HERC6: variants seen among roughly 807,000 people sequenced by gnomAD.
HERC6 encodes the protein probable E3 ubiquitin-protein ligase HERC6.
In HERC6, 101 loss-of-function variants were observed where a neutral mutation model predicts 114.5. The observed-to-expected ratio is 0.88, with a 90% confidence interval of 0.75 to 1.04. HERC6 has a LOEUF of 1.04. Among genes scored for constraint, HERC6 ranks in the 50% least tolerant of loss-of-function variants. The probability of loss-of-function intolerance (pLI) is 0.00; values close to 1 mark genes in which losing one functional copy is unlikely to be tolerated. For missense variants in HERC6, 1,133 were observed against 1,230.9 expected, an observed-to-expected ratio of 0.92 and a Z score of 1.19; for synonymous variants, 408 against 436.2, an observed-to-expected ratio of 0.94 and a Z score of 0.81.
intron 13 of HERC6, among the ~76,000 whole-genome samples, chr4:88,421,033 C>T (rs1175441183): frequency 6.6e-6 from 1 of 152,196 alleles, no homozygotes; most frequent in Non-Finnish European, 1.5e-5. Flanking sequence ...TAAATGGAAT[C>T]ACACATTATG....
chr4:88,395,129 C>A (rs1195894427), intron 5 of HERC6, among the ~76,000 whole-genome samples: 1 of 151,940 alleles, frequency 6.6e-6, no homozygotes, highest in Non-Finnish European at 1.5e-5. Flanking sequence ...ACTATATGCC[C>A]CCAATTATTT....
chr4:88,436,627 C>A (rs1223918902), intron 18 of HERC6, among the ~76,000 whole-genome samples: 1 of 152,126 alleles, frequency 6.6e-6, no homozygotes. Flanking sequence ...CCCTAGGGGA[C>A]AAAGTCATCC....
Position 88,379,059 on chromosome 4 carries a change from G to C in HERC6, c.138G>C (p.Ser46=), listed in dbSNP as rs752650089. 2 of 1,555,982 alleles carry C rather than the reference G, an allele frequency of 1.3e-6. No homozygotes were observed. The highest frequency in any genetic ancestry group is 2.7e-5 in the African/African-American group (2 of 73,316). The change falls in exon 1 of 23, where the codon TCG becomes TCC. Residue 46 remains serine (S), a synonymous_variant. Coordinates refer to ENST00000264346, the MANE Select transcript of HERC6 (RefSeq NM_017912.4). The part of the protein sequence containing the change: ...LLLLTNHRVL[S]CGDNSRGQLG... ...TGCTGACCAACCACAGGGTCCTCTC[G>C]TGCGGAGACAACAGCAGGGGTCAGC...
chr4:88,419,994 C>T (rs1459895437), intron 13 of HERC6, among the ~76,000 whole-genome samples: 1 of 151,898 alleles, frequency 6.6e-6, no homozygotes, highest in Non-Finnish European at 1.5e-5. Flanking sequence ...GTCATCAATC[C>T]TCTGTCTTCT....
chr4:88,397,817 A>T (rs979667208), intron 7 of HERC6, among the ~76,000 whole-genome samples: 10 of 152,250 alleles, frequency 6.6e-5, no homozygotes, highest in Non-Finnish European at 1.5e-4. Context: ...TAAGAAAGTA[A>T]AGAAGCAACC....
At chr4:88,399,758 C>A (rs1388061281) in intron 8 of HERC6, 1 of 146,222 alleles carries the variant, frequency 6.8e-6, no homozygotes, top group Non-Finnish European at 1.5e-5. Context: ...CACAGGGCAA[C>A]ACTTTGTCTC....
chr4:88,397,131 A>G (rs1005053677), intron 7 of HERC6, 144 bp downstream of exon 7: 8 of 644,058 alleles, frequency 1.2e-5, no homozygotes, highest in Non-Finnish European at 1.3e-5. Flanking sequence ...TTTTTTTTTG[A>G]GATGGAGTTT....
chr4:88,411,646 G>A (rs114644806), intron 11 of HERC6, among the ~76,000 whole-genome samples: 2,977 of 152,282 alleles, frequency 0.02, 97 homozygotes, highest in African/African-American at 0.068. Context: ...TAGCTGCTAT[G>A]ACAAACAACT....
rs1339642386 is a variant in HERC6 at position 88,390,734 on chromosome 4, G to A, written c.519G>A (p.Gln173=). Residue 173 remains glutamine, a synonymous_variant, in exon 4 of 23, where the codon CAG becomes CAA. Transcript: ENST00000264346. The part of the protein sequence containing the change: ...GKEFPSQASP[Q]RVRSLEGIPL... ...AGTTCCCCTCCCAAGCCAGCCCGCA[G>A]AGGGTGAGGTCCCTGGAGGGGATCC... 1.9e-6 allele frequency: 3 copies of A among 1,614,172 alleles called. No homozygotes were observed. The Admixed American group carries it at 5.0e-5, about 27-fold the overall frequency.
intron 8 of HERC6, chr4:88,398,789 C>T (rs143083587): frequency 6.6e-6 from 1 of 152,282 alleles, no homozygotes; most frequent in African/African-American, 2.4e-5. Flanking sequence ...ACTGCAGTCA[C>T]CAAGTGTCAG....
Position 88,435,822 on chromosome 4 carries a change from T to A in HERC6, c.2348T>A (p.Leu783Gln). The A allele has an allele frequency of 6.2e-7, 1 of 1,612,678 alleles. No homozygotes were observed. Among genetic ancestry groups the A allele is most frequent in the Non-Finnish European group, 8.5e-7 (1 of 1,179,264 alleles). ...GCTAACCTTCCTTTCCCACTGGCTC[T>A]GTATAAAAAACTTCTGGACCAAAAG... ...NVANLPFPLALYKKLLDQKPS... is the reference protein window; with the variant it reads ...NVANLPFPLAQYKKLLDQKPS... The change falls in exon 18 of 23, where the codon CTG (leucine) becomes CAG (glutamine). Residue 783 changes from leucine (L) to glutamine (Q), a missense_variant. Physicochemically the swap from Leu to Gln is moderately radical, Grantham distance 113. This residue lies in a region of HERC6 where 388 missense variants were observed against 445.9 expected (regional missense o/e 0.87). Coordinates refer to ENST00000264346, the MANE Select transcript of HERC6 (RefSeq NM_017912.4).
At chr4:88,405,342 C>A (rs1001775660) in intron 9 of HERC6, among the ~76,000 whole-genome samples, 5 of 152,088 alleles carry the variant, frequency 3.3e-5, no homozygotes, top group African/African-American at 1.2e-4. Flanking sequence ...TTTAAACCTA[C>A]GTGACTTGAA....
chr4:88,403,267 T>C (rs1735639882), intron 8 of HERC6, among the ~76,000 whole-genome samples: 1 of 152,116 alleles, frequency 6.6e-6, no homozygotes, highest in African/African-American at 2.4e-5. Context: ...GCAGAAACTA[T>C]GGGGTGGAGC....
intron 13 of HERC6, among the ~76,000 whole-genome samples, chr4:88,420,218 G>T (rs575007783): frequency 6.6e-6 from 1 of 152,288 alleles, no homozygotes; most frequent in Non-Finnish European, 1.5e-5. Flanking sequence ...TCATTTGGCT[G>T]TTAATCTATC....
intron 17 of HERC6, among the ~76,000 whole-genome samples, chr4:88,432,957 A>G (rs1377583414): frequency 1.4e-5 from 2 of 147,398 alleles, no homozygotes; most frequent in Admixed American, 6.8e-5. Context: ...GTGTGGTGGC[A>G]CGAGCCTGTA....
intron 15 of HERC6, among the ~76,000 whole-genome samples, chr4:88,425,526 T>C (rs984614827): frequency 1.2e-4 from 18 of 152,334 alleles, no homozygotes; most frequent in South Asian, 8.3e-4. Flanking sequence ...TGCTAATCTT[T>C]GGATTAAAAA....
At chr4:88,382,578 C>T (rs536523354) in intron 1 of HERC6, among the ~76,000 whole-genome samples, 1 of 152,082 alleles carries the variant, frequency 6.6e-6, no homozygotes, top group East Asian at 1.9e-4. Flanking sequence ...GAAGTTACCC[C>T]CTCCGTGATG....
intron 15 of HERC6, among the ~76,000 whole-genome samples, chr4:88,425,555 G>A (rs1022952103): frequency 1.3e-5 from 2 of 151,962 alleles, no homozygotes; most frequent in East Asian, 1.9e-4. Context: ...TAAGCTTCTT[G>A]GAGCTTGATT....
intron 1 of HERC6, 43 bp from the exon 2 acceptor site, chr4:88,383,177 AT>A: frequency 1.9e-6 from 3 of 1,585,648 alleles, no homozygotes; most frequent in Non-Finnish European, 2.6e-6. Flanking sequence ...TAAATTAATA[AT>A]CTGCAGTGGT....
Sources: gnomAD v4.1 joint callset for allele counts (sites outside exome capture counted in the v4.1 genomes callset) on GRCh38, gnomAD v4.1.1 for gene constraint, gnomAD v4.1.1 regional missense constraint, MANE v1.5 for transcripts, NCBI Gene and HGNC (gene_info 2026-07-23, HGNC 2026-07-21) for gene names.